CCNK: variants seen among roughly 807,000 people sequenced by gnomAD.
The protein encoded by CCNK is cyclin K.
Under a neutral mutation model 65.0 loss-of-function variants are expected in CCNK, and 9 were observed. The ratio of observed to expected loss-of-function variants is 0.14; its 90% CI spans 0.08 to 0.24. CCNK has a LOEUF of 0.24. CCNK is among the 10% of genes least tolerant of loss of function. The probability of loss-of-function intolerance (pLI) is 1.00; values close to 1 mark genes in which losing one functional copy is unlikely to be tolerated. For synonymous variants in CCNK, 279 were observed against 270.8 expected, an observed-to-expected ratio of 1.03 and a Z score of -0.30; for missense variants, 474 against 720.0, an observed-to-expected ratio of 0.66 and a Z score of 3.91.
chr14:99,490,836 G>A lies in CCNK; in HGVS notation c.-52-1790G>A, dbSNP rs572770917. On this transcript the variant is annotated intron_variant, in intron 1 of 10. Coordinates refer to ENST00000389879, the MANE Select transcript of CCNK (RefSeq NM_001099402.2). Reference sequence around the variant, plus strand: ...CCAGCTACTCGGGAGGCTGAGGCAGGAGAATGGCGTAAACCCAGGAGGTGG... The same window carrying A: ...CCAGCTACTCGGGAGGCTGAGGCAGAAGAATGGCGTAAACCCAGGAGGTGG... 9.6e-4 allele frequency among the ~76,000 whole-genome samples: 146 copies of A among 151,596 alleles called. 1 individual carries two copies. Among genetic ancestry groups the A allele is most frequent in the Admixed American group, 2.0e-3 (31 of 15,236 alleles).
At chr14:99,488,764 A>T (rs1402201633) in intron 1 of CCNK, among the ~76,000 whole-genome samples, 1 of 152,212 alleles carries the variant, frequency 6.6e-6, no homozygotes, top group African/African-American at 2.4e-5. Context: ...TATCAGTGCT[A>T]GCAAAGTATT....
chr14:99,510,901 A>T lies in CCNK; in HGVS notation c.*119A>T. On this transcript the variant is annotated 3_prime_UTR_variant, in exon 11 of 11. Coordinates refer to ENST00000389879, the MANE Select transcript of CCNK (RefSeq NM_001099402.2). ...AATGCACGACAGTTGCAGTATGGGA[A>T]GAATGGACCGGGCCCCTGGGATAAA... 1.1e-6 allele frequency: 1 copy of T among 882,504 alleles called. No homozygotes were observed. The highest frequency in any genetic ancestry group is 1.5e-6 in the Non-Finnish European group (1 of 652,784). 54.7% of individuals were successfully genotyped at this position (882,504 alleles called of 1,614,324 possible).
At position 99,502,912 on chromosome 14, in the gene CCNK, G is replaced by T. The variant is rs1376395802; in HGVS notation, c.939G>T (p.Gln313His). ...QQKDPQQPAQ[Q>H]QQPAQQPKKP... ...AGGACCCCCAGCAACCAGCCCAGCAGCAGCAGCCAGCCCAACAGCCCAAGA... is the reference window on the plus strand; with the variant it reads ...AGGACCCCCAGCAACCAGCCCAGCATCAGCAGCCAGCCCAACAGCCCAAGA... Residue 313 changes from glutamine to histidine, a missense_variant, in exon 8 of 11, where the codon CAG becomes CAT. Gln to His is a conservative substitution (Grantham distance 24, BLOSUM62 0). Around this residue, in one of 6 missense-constraint regions of CCNK, gnomAD observed 229 missense variants for 275.5 expected, o/e 0.83. Coordinates refer to ENST00000389879, the MANE Select transcript of CCNK (RefSeq NM_001099402.2). 1.2e-6 allele frequency: 2 copies of T among 1,613,602 alleles called. No individual in the cohort carries two copies. Among genetic ancestry groups the T allele is most frequent in the Non-Finnish European group, 1.7e-6 (2 of 1,179,780 alleles).
intron 1 of CCNK, among the ~76,000 whole-genome samples, chr14:99,490,236 G>C (rs1595306227): frequency 6.6e-6 from 1 of 152,164 alleles, no homozygotes. Context: ...AAGATAGGAA[G>C]GGAAAAATAA....
chr14:99,496,860 C>T (rs1896711965), intron 4 of CCNK, among the ~76,000 whole-genome samples: 1 of 151,040 alleles, frequency 6.6e-6, no homozygotes, highest in South Asian at 2.1e-4. Context: ...TTGCAGTGAG[C>T]CAAGATTGCG....
Position 99,510,107 on chromosome 14 carries a change from A to T in CCNK, c.1118-50A>T, listed in dbSNP as rs748456006. The T allele has an allele frequency of 8.4e-6, 13 of 1,542,236 alleles. No homozygotes were observed. In the South Asian group the frequency reaches 1.6e-4, roughly 19 times the overall value. ...CTGAAGGGCCAGGAGGCACTGAAAA[A>T]GCAACCATTGCTGGCGGAGGCCGGG... On this transcript the variant is annotated intron_variant, in intron 10 of 10. Coordinates refer to ENST00000389879, the MANE Select transcript of CCNK (RefSeq NM_001099402.2).
intron 3 of CCNK, chr14:99,494,978 A>G (rs1896670550): frequency 1.3e-5 from 2 of 152,328 alleles, no homozygotes; most frequent in Non-Finnish European, 2.9e-5. Flanking sequence ...TCATACCGCC[A>G]CCTTGGGAAT....
At chr14:99,503,206 G>C (rs1896883611) in intron 8 of CCNK, 1 of 691,930 alleles carries the variant, frequency 1.4e-6, no homozygotes, top group Non-Finnish European at 2.6e-6. Context: ...CCCGGCTCCA[G>C]CCCTGCTGCC....
chr14:99,501,913 G>A, intron 6 of CCNK: 1 of 256,848 alleles, frequency 3.9e-6, no homozygotes, highest in Non-Finnish European at 7.3e-6. Flanking sequence ...CAGTTGAGTG[G>A]CTAGGATTTC....
chr14:99,503,009 G>A (rs370035979), intron 8 of CCNK, 25 bp downstream of exon 8: 2 of 1,613,510 alleles, frequency 1.2e-6, no homozygotes, highest in African/African-American at 1.3e-5. Flanking sequence ...GCAGGCCCTG[G>A]GTAGAGCAGG....
intron 10 of CCNK, 141 bp downstream of exon 10, chr14:99,507,288 G>C: frequency 1.4e-6 from 1 of 707,100 alleles, no homozygotes; most frequent in Non-Finnish European, 2.6e-6. Flanking sequence ...TTGCAAAATT[G>C]TTCTTGGGCT....
At chr14:99,491,178 G>A (rs1306525749) in intron 1 of CCNK, among the ~76,000 whole-genome samples, 1 of 152,180 alleles carries the variant, frequency 6.6e-6, no homozygotes, top group Non-Finnish European at 1.5e-5. Context: ...TAACACTACA[G>A]TGAATAATCT....
chr14:99,503,235 G>T, intron 8 of CCNK: 2 of 660,846 alleles, frequency 3.0e-6, no homozygotes, highest in Non-Finnish European at 2.7e-6. Flanking sequence ...CCCTGCCAGG[G>T]TTCTGAAGCC....
At chr14:99,509,767 G>T in intron 10 of CCNK, 1 of 251,508 alleles carries the variant, frequency 4.0e-6, no homozygotes, top group East Asian at 8.8e-5. Flanking sequence ...GCTGCAGACA[G>T]GAGTTCAGTG....
chr14:99,504,309 C>G (rs889003793), intron 9 of CCNK: 1 of 155,586 alleles, frequency 6.4e-6, no homozygotes, highest in African/African-American at 2.4e-5. Context: ...GTTCTTAGTT[C>G]CAGTAGTTCC....
At chr14:99,492,945 G>C (rs1357635619) in intron 2 of CCNK, 71 bp downstream of exon 2, 7 of 1,255,418 alleles carry the variant, frequency 5.6e-6, no homozygotes, top group Non-Finnish European at 7.6e-6. Flanking sequence ...ATTAGATTCT[G>C]TAGACAAAAT....
At chr14:99,503,219 T>C in intron 8 of CCNK, 1 of 679,544 alleles carries the variant, frequency 1.5e-6, no homozygotes. Flanking sequence ...CTGCTGCCTG[T>C]TTCATCCCTG....
intron 9 of CCNK, 43 bp downstream of exon 9, chr14:99,503,687 A>G (rs1595318794): frequency 6.7e-7 from 1 of 1,483,848 alleles, no homozygotes; most frequent in South Asian, 1.3e-5. Context: ...ATGTGTTTAT[A>G]TGCAAAACTT....
chr14:99,507,256 T>C (rs1393411270), intron 10 of CCNK, 109 bp downstream of exon 10: 4 of 770,682 alleles, frequency 5.2e-6, no homozygotes, highest in Non-Finnish European at 9.3e-6. Context: ...AGATTGACAA[T>C]GTCAGCCACA....
Sources: gnomAD v4.1 joint callset for allele counts (sites outside exome capture counted in the v4.1 genomes callset) on GRCh38, gnomAD v4.1.1 for gene constraint, gnomAD v4.1.1 regional missense constraint, MANE v1.5 for transcripts, NCBI Gene and HGNC (gene_info 2026-07-23, HGNC 2026-07-21) for gene names.